OPN3: variants seen among roughly 807,000 people sequenced by gnomAD.
OPN3 encodes the protein opsin-3.
In OPN3, 29 loss-of-function variants were observed where a neutral mutation model predicts 33.8. The ratio of observed to expected loss-of-function variants is 0.86; its 90% CI spans 0.64 to 1.17. The LOEUF is 1.17. Among genes scored for constraint, OPN3 ranks in the 50% most tolerant of loss-of-function variants. The probability of loss-of-function intolerance (pLI) is 0.00; values close to 1 mark genes in which losing one functional copy is unlikely to be tolerated. For synonymous variants in OPN3, 216 were observed against 216.1 expected (o/e 1.00, Z 0.00); for missense variants, 437 against 514.1 (o/e 0.85, Z 1.45).
At chr1:241,630,981 A>T (rs1664612795) in intron 1 of OPN3, 1 of 152,112 alleles carries the variant, frequency 6.6e-6, no homozygotes, top group South Asian at 2.1e-4. Flanking sequence ...CCTTCTAAAA[A>T]TGTCTTTTAG....
chr1:241,633,668 GACA>G, intron 1 of OPN3: 1 of 933,448 alleles, frequency 1.1e-6, no homozygotes, highest in Non-Finnish European at 1.6e-6. Context: ...GAGAGTTAAA[GACA>G]ACATCTGCAT....
Position 241,597,878 on chromosome 1 carries a change from A to T in OPN3, c.813T>A (p.Tyr271Ter). The T allele has an allele frequency of 6.2e-7, 1 of 1,614,052 alleles. No individual in the cohort carries two copies. Among genetic ancestry groups the T allele is most frequent in the Non-Finnish European group, 8.5e-7 (1 of 1,180,008 alleles). The change falls in exon 3 of 4, where the codon TAT (tyrosine) becomes TAA (stop). Residue 271 changes from tyrosine to a stop codon, truncating the protein, a stop_gained. Coordinates refer to ENST00000366554, the MANE Select transcript of OPN3 (RefSeq NM_014322.3). LOFTEE classifies it high-confidence loss of function. ...IFTFLVCWMPYIVICFLVVNG... is the reference protein window; with the variant it reads ...IFTFLVCWMP ...TAACCACCAAGAAGCAGATCACGAT[A>T]TAAGGCATCCAACAGACCAGGAAGG... is the stretch of plus-strand genomic sequence containing the variant.
At chr1:241,597,671 C>A in intron 3 of OPN3, 75 bp downstream of exon 3, 2 of 1,412,620 alleles carry the variant, frequency 1.4e-6, no homozygotes, top group Middle Eastern at 2.0e-4. Context: ...TCTGAATCAC[C>A]TCTGTAAAAG....
chr1:241,599,886 T>A (rs986188117), intron 2 of OPN3, among the ~76,000 whole-genome samples: 2 of 152,196 alleles, frequency 1.3e-5, no homozygotes, highest in South Asian at 2.1e-4. Flanking sequence ...GTTAAATACT[T>A]ATTTATATTT....
intron 1 of OPN3, chr1:241,635,509 G>A (rs1664860324): frequency 6.2e-7 from 1 of 1,613,908 alleles, no homozygotes; most frequent in South Asian, 1.1e-5. Context: ...GAAGAGTGAT[G>A]GCTTCTTCTG....
intron 1 of OPN3, chr1:241,635,546 A>G (rs1664862456): frequency 6.2e-7 from 1 of 1,613,930 alleles, no homozygotes; most frequent in African/African-American, 1.3e-5. Context: ...CTGCCATACA[A>G]CAGTACTTTC....
At chr1:241,626,107 ACCC>A (rs1664412365) in intron 1 of OPN3, among the ~76,000 whole-genome samples, 1 of 152,218 alleles carries the variant, frequency 6.6e-6, no homozygotes, top group Non-Finnish European at 1.5e-5. Context: ...ATATAGGCTT[ACCC>A]TAAAACTAAT....
intron 1 of OPN3, among the ~76,000 whole-genome samples, chr1:241,625,293 G>A (rs953936352): frequency 6.6e-6 from 1 of 152,150 alleles, no homozygotes; most frequent in Non-Finnish European, 1.5e-5. Context: ...GGTTTATTTA[G>A]TCTTGAATAG....
rs201495076 is a variant in OPN3 at position 241,594,420 on chromosome 1, C to G, written c.*8G>C. ...TAAGGCCCCATCTTTCGTTGCCATT[C>G]TTCATTCCTACAAAGGACGAACTTG... On this transcript the variant is annotated 3_prime_UTR_variant, in exon 4 of 4. Transcript: ENST00000366554. 231 of 1,608,542 alleles carry G rather than the reference C, an allele frequency of 1.4e-4. 4 individuals are homozygous for G. In the East Asian group the frequency reaches 4.6e-3, roughly 32 times the overall value.
chr1:241,606,587 A>AAAT (rs1353989870), intron 1 of OPN3, among the ~76,000 whole-genome samples: 34 of 128,706 alleles, frequency 2.6e-4, no homozygotes, highest in East Asian at 7.6e-4. Flanking sequence ...ATAAATAAAT[A>AAAT]AAATAAATAA....
At chr1:241,623,033 C>T (rs1031124520) in intron 1 of OPN3, among the ~76,000 whole-genome samples, 4 of 151,776 alleles carry the variant, frequency 2.6e-5, no homozygotes, top group Non-Finnish European at 5.9e-5. Flanking sequence ...CTTTCAGAAG[C>T]CCAGGAAGTT....
At chr1:241,605,750 T>A (rs751003773) in intron 1 of OPN3, among the ~76,000 whole-genome samples, 3 of 152,228 alleles carry the variant, frequency 2.0e-5, no homozygotes, top group Non-Finnish European at 2.9e-5. Flanking sequence ...TGAAGAAATA[T>A]GTACCAGAGC....
At chr1:241,628,663 T>C (rs1664495341) in intron 1 of OPN3, among the ~76,000 whole-genome samples, 1 of 152,200 alleles carries the variant, frequency 6.6e-6, no homozygotes, top group Non-Finnish European at 1.5e-5. Flanking sequence ...TCCTTAATGG[T>C]GATCAACTAA....
chr1:241,602,514 A>G (rs1663702730), intron 2 of OPN3, among the ~76,000 whole-genome samples: 1 of 151,982 alleles, frequency 6.6e-6, no homozygotes, highest in Non-Finnish European at 1.5e-5. Context: ...GGAGGCTGGG[A>G]AGTCCCAGGT....
intron 1 of OPN3, among the ~76,000 whole-genome samples, chr1:241,623,669 C>T (rs1367747715): frequency 6.6e-6 from 1 of 152,190 alleles, no homozygotes; most frequent in Admixed American, 6.5e-5. Context: ...TTTAGACATT[C>T]TCGATTTCTT....
intron 1 of OPN3, among the ~76,000 whole-genome samples, chr1:241,627,670 G>C (rs1664459495): frequency 6.6e-6 from 1 of 152,206 alleles, no homozygotes; most frequent in African/African-American, 2.4e-5. Context: ...AAAGCTGGAA[G>C]TACTGTGCCC....
At chr1:241,619,961 A>G (rs1188224650) in intron 1 of OPN3, among the ~76,000 whole-genome samples, 1 of 152,210 alleles carries the variant, frequency 6.6e-6, no homozygotes, top group East Asian at 1.9e-4. Context: ...GTAAAGGGGA[A>G]AACGCAATAT....
At chr1:241,615,205 TA>T (rs56262278) in intron 1 of OPN3, among the ~76,000 whole-genome samples, 70,378 of 113,978 alleles carry the variant, frequency 0.62, 18,895 homozygotes, top group South Asian at 0.67. Context: ...GGCCAAAGTC[TA>T]AAAAAAAAAA....
intron 1 of OPN3, among the ~76,000 whole-genome samples, chr1:241,617,143 G>C (rs1558441956): frequency 6.6e-6 from 1 of 152,200 alleles, no homozygotes; most frequent in Non-Finnish European, 1.5e-5. Context: ...TTTGATGAGA[G>C]TGTGAGAAAA....
Sources: allele counts gnomAD v4.1 joint callset (sites outside exome capture counted in the v4.1 genomes callset), GRCh38; gene constraint gnomAD v4.1.1; transcripts MANE v1.5; gene names NCBI Gene and HGNC (gene_info 2026-07-23, HGNC 2026-07-21).